LZTFL1: variants seen among roughly 807,000 people sequenced by gnomAD.
The protein encoded by LZTFL1 is leucine zipper transcription factor-like protein 1.
Under a neutral mutation model 45.9 loss-of-function variants are expected in LZTFL1, and 25 were observed. The ratio of observed to expected loss-of-function variants is 0.54; its 90% CI spans 0.40 to 0.76. The LOEUF (loss-of-function observed/expected upper bound fraction) is 0.76. Ranked by LOEUF, LZTFL1 falls within the 30% of genes least tolerant of loss-of-function variation. The pLI, the probability that LZTFL1 is intolerant of heterozygous loss-of-function variation, is 0.00. For synonymous variants in LZTFL1, 93 were observed against 117.4 expected (o/e 0.79, Z 1.35); for missense variants, 277 against 331.1 (o/e 0.84, Z 1.27).
intron 2 of LZTFL1, among the ~76,000 whole-genome samples, chr3:45,872,922 T>A (rs1051366604): frequency 2.0e-5 from 3 of 152,202 alleles, no homozygotes; most frequent in African/African-American, 7.2e-5. Context: ...GGCTGTGATG[T>A]CTTAGAAAGA....
chr3:45,858,471 G>A (rs1276349073), intron 3 of LZTFL1, among the ~76,000 whole-genome samples: 1 of 152,108 alleles, frequency 6.6e-6, no homozygotes, highest in South Asian at 2.1e-4. Flanking sequence ...ACATATTTAC[G>A]TTTTTACCTA....
chr3:45,899,396 G>T (rs1702472839), intron 2 of LZTFL1, among the ~76,000 whole-genome samples: 1 of 152,178 alleles, frequency 6.6e-6, no homozygotes, highest in Non-Finnish European at 1.5e-5. Context: ...AGGAGGTAGA[G>T]AATATTTTGC....
At chr3:45,836,129 C>T (rs1039419916) in intron 2 of LZTFL1, among the ~76,000 whole-genome samples, 2 of 152,144 alleles carry the variant, frequency 1.3e-5, no homozygotes, top group African/African-American at 4.8e-5. Flanking sequence ...TTTCAAAAGT[C>T]ACCCGGAAGG....
At chr3:45,910,414 C>T (rs1282771979) in intron 2 of LZTFL1, among the ~76,000 whole-genome samples, 1 of 152,044 alleles carries the variant, frequency 6.6e-6, no homozygotes, top group African/African-American at 2.4e-5. Context: ...TGGTGCTGCC[C>T]CTGGGAGGGG....
chr3:45,842,024 G>A lies in LZTFL1; in HGVS notation c.-33C>T, dbSNP rs577522080. On this transcript the variant is annotated 5_prime_UTR_variant, in exon 1 of 10. Coordinates refer to ENST00000296135, the MANE Select transcript of LZTFL1 (RefSeq NM_020347.4). ...GGCAGCGGCGGCAGCCTAAAGGAACGGGAGAGGCCAGGCGGTGCCCCGCCA... is the reference window on the plus strand; with the variant it reads ...GGCAGCGGCGGCAGCCTAAAGGAACAGGAGAGGCCAGGCGGTGCCCCGCCA... The A allele has an allele frequency of 1.4e-5, 23 of 1,606,960 alleles. No homozygotes were observed. The South Asian group carries it at 2.5e-4, about 18-fold the overall frequency.
Position 45,824,973 on chromosome 3 carries a change from T to C in LZTFL1, c.*1341A>G, listed in dbSNP as rs911676727. ...ATCCATTCATCTTCTTAAGACTGCC[T>C]TCTGTGTCCTTTTGCAGGGAAATTA... On this transcript the variant is annotated 3_prime_UTR_variant, in exon 10 of 10. Transcript: ENST00000296135. 2 of 398,140 alleles carry C rather than the reference T, an allele frequency of 5.0e-6. No homozygotes were observed. Among genetic ancestry groups the C allele is most frequent in the African/African-American group, 4.1e-5 (2 of 48,618 alleles). The allele number at this position is 398,140 out of a possible 1,614,324, so 24.7% of individuals were successfully genotyped here.
intron 2 of LZTFL1, chr3:45,897,773 GT>G: frequency 1.7e-6 from 1 of 591,834 alleles, no homozygotes; most frequent in Non-Finnish European, 2.9e-6. Flanking sequence ...TTTCTTCCTT[GT>G]CTGTCTTCCT....
chr3:45,908,084 T>G (rs944852262), intron 2 of LZTFL1, among the ~76,000 whole-genome samples: 1 of 151,916 alleles, frequency 6.6e-6, no homozygotes, highest in Non-Finnish European at 1.5e-5. Flanking sequence ...GTTTCTTTGA[T>G]GCTCCTCCCA....
rs1037443397 is a variant in LZTFL1, at chr3:45,825,006, C to G, written c.*1308G>C. The G allele has an allele frequency of 1.0e-5, 4 of 397,494 alleles. No homozygotes were observed. Among genetic ancestry groups the G allele is most frequent in the Non-Finnish European group, 1.8e-5 (4 of 225,402 alleles). 24.6% of individuals were successfully genotyped at this position (397,494 alleles called of 1,614,324 possible). ...CCTTTTGCAGGGAAATTATCTTACC[C>G]TTTAACATTTGTTCCTTCACTATTT... On this transcript the variant is annotated 3_prime_UTR_variant, in exon 10 of 10. Transcript: ENST00000296135.
intron 2 of LZTFL1, among the ~76,000 whole-genome samples, chr3:45,897,078 C>T (rs1158862239): frequency 1.3e-5 from 2 of 152,204 alleles, no homozygotes; most frequent in African/African-American, 4.8e-5. Flanking sequence ...GAGCAACAGC[C>T]TGTGGGCTCA....
chr3:45,852,789 G>A lies in LZTFL1; in HGVS notation c.-49+2197C>T, dbSNP rs972344242. Among the ~76,000 whole-genome samples, 68 of 152,262 alleles carry A rather than the reference G, an allele frequency of 4.5e-4. 1 individual carries two copies. Among genetic ancestry groups the A allele is most frequent in the South Asian group, 1.2e-3 (6 of 4,818 alleles). On this transcript the variant is annotated intron_variant, in intron 4 of 4. Coordinates refer to the LZTFL1 transcript ENST00000472635. ...TAATAATGAAAAGAGAAAACAAAAG[G>A]TAAGACAAAAGCAGCTTTTGTCACT...
At chr3:45,869,914 T>C (rs1234258103) in intron 2 of LZTFL1, among the ~76,000 whole-genome samples, 1 of 152,252 alleles carries the variant, frequency 6.6e-6, no homozygotes, top group Non-Finnish European at 1.5e-5. Flanking sequence ...GGTCTGCCCA[T>C]GGAGGGAGAG....
At chr3:45,841,017 T>G (rs1296679355) in intron 1 of LZTFL1, among the ~76,000 whole-genome samples, 1 of 152,220 alleles carries the variant, frequency 6.6e-6, no homozygotes, top group Non-Finnish European at 1.5e-5. Context: ...TGTTAACTGA[T>G]GGAAAGGAAT....
At position 45,834,235 on chromosome 3, in the gene LZTFL1, T is replaced by G. The variant is rs982117808; in HGVS notation, c.384+3A>C. 6.3e-7 allele frequency: 1 copy of G among 1,577,608 alleles called. No individual in the cohort carries two copies. Among genetic ancestry groups the G allele is most frequent in the African/African-American group, 1.4e-5 (1 of 74,030 alleles). On this transcript the variant is annotated splice_donor_region_variant and intron_variant, in intron 4 of 9. Transcript: ENST00000296135. ...TATGGATTTAGAATGACCAAAAAGT[T>G]ACCTTTTTGTTTGAAGATGTAATCT...
intron 2 of LZTFL1, among the ~76,000 whole-genome samples, chr3:45,881,330 C>T (rs1010566997): frequency 6.6e-6 from 1 of 152,204 alleles, no homozygotes; most frequent in Non-Finnish European, 1.5e-5. Flanking sequence ...AACATTTCCT[C>T]CCACACACTT....
rs1027212565 is a variant in LZTFL1, at chr3:45,900,971, G to T, written c.-215+12149C>A. On this transcript the variant is annotated intron_variant, in intron 2 of 4. Coordinates refer to the LZTFL1 transcript ENST00000472635. This position sits in a 1 kb window ranked among gnomAD's most constrained non-coding sequence, Gnocchi z 4.7. ...CCTTGTACTGGCTCGTGTTCATCGT[G>T]GGTGCCTTGGGCAACAGTCTTGTTA... 6.2e-7 allele frequency: 1 copy of T among 1,614,024 alleles called. No individual in the cohort carries two copies. Among genetic ancestry groups the T allele is most frequent in the African/African-American group, 1.3e-5 (1 of 74,910 alleles).
chr3:45,832,192 G>T (rs1236767736), intron 5 of LZTFL1, among the ~76,000 whole-genome samples: 1 of 152,110 alleles, frequency 6.6e-6, no homozygotes, highest in Non-Finnish European at 1.5e-5. Context: ...CCGCACTCCA[G>T]CCTGGGCGAC....
rs1055458514 is a variant in LZTFL1, at chr3:45,912,162, T to A, written c.-215+958A>T. Among the ~76,000 whole-genome samples the A allele has an allele frequency of 4.6e-5, 7 of 152,244 alleles. No individual in the cohort carries two copies. The South Asian group carries it at 6.2e-4, about 14-fold the overall frequency. ...TTTGAACAAATCCTTTCCTGTTTTT[T>A]GCTATCACAGACATTGTGGCCATGA... On this transcript the variant is annotated intron_variant, in intron 2 of 4. Transcript: ENST00000472635.
intron 2 of LZTFL1, among the ~76,000 whole-genome samples, chr3:45,894,155 GA>G (rs1702275700): frequency 6.6e-6 from 1 of 152,188 alleles, no homozygotes; most frequent in Non-Finnish European, 1.5e-5. Flanking sequence ...GGGCTTTAAA[GA>G]AATTCAAAAC....
Sources: allele counts gnomAD v4.1 joint callset (sites outside exome capture counted in the v4.1 genomes callset), GRCh38; gene constraint gnomAD v4.1.1; non-coding constraint Gnocchi (gnomAD v3.1); transcripts MANE v1.5; gene names NCBI Gene and HGNC (gene_info 2026-07-23, HGNC 2026-07-21).